The following UBTD1 variants were observed in gnomAD, a reference collection of about 807,000 sequenced individuals.
The protein encoded by UBTD1 is ubiquitin domain-containing protein 1.
A neutral mutation model predicts 21.7 loss-of-function variants in UBTD1; 19 were observed. The ratio of observed to expected loss-of-function variants is 0.87; its 90% CI spans 0.61 to 1.28. The LOEUF is 1.28. Among genes scored for constraint, UBTD1 ranks in the 50% most tolerant of loss-of-function variants. UBTD1 has a pLI of 0.00. For missense variants in UBTD1, 282 were observed against 315.1 expected, an observed-to-expected ratio of 0.89 and a Z score of 0.80; for synonymous variants, 116 against 135.1, an observed-to-expected ratio of 0.86 and a Z score of 0.98.
rs139678803 is a variant in UBTD1, at chr10:97,513,963, T to C, written c.70+14690T>C. Among the ~76,000 whole-genome samples, 1,035 of 151,886 alleles carry C rather than the reference T, an allele frequency of 6.8e-3. 4 individuals carry two copies. Among genetic ancestry groups the C allele is most frequent in the Non-Finnish European group, 0.011 (770 of 67,964 alleles). ...CTGGCCACAAGCACTTCTCCCACCTTGGCTTCCCAAAGTGCTGGGATTACA... is the reference window on the plus strand; with the variant it reads ...CTGGCCACAAGCACTTCTCCCACCTCGGCTTCCCAAAGTGCTGGGATTACA... On this transcript the variant is annotated intron_variant, in intron 1 of 2. Coordinates refer to ENST00000370664, the MANE Select transcript of UBTD1 (RefSeq NM_024954.5).
chr10:97,500,346 A>G (rs1355875273), intron 1 of UBTD1, among the ~76,000 whole-genome samples: 1 of 152,182 alleles, frequency 6.6e-6, no homozygotes, highest in African/African-American at 2.4e-5. Context: ...TGGGTTGCGG[A>G]AACTGGGAAG....
chr10:97,524,173 C>T (rs2040477758), intron 1 of UBTD1, among the ~76,000 whole-genome samples: 1 of 152,174 alleles, frequency 6.6e-6, no homozygotes, highest in African/African-American at 2.4e-5. Flanking sequence ...TGGTTCACTG[C>T]AGCCTCTACC....
intron 1 of UBTD1, among the ~76,000 whole-genome samples, chr10:97,555,762 C>T (rs1436282723): frequency 1.3e-5 from 2 of 152,146 alleles, no homozygotes; most frequent in African/African-American, 4.8e-5. Flanking sequence ...TGAATGACAT[C>T]GGTTTCTAAG....
At chr10:97,522,036 A>G (rs7089060) in intron 1 of UBTD1, among the ~76,000 whole-genome samples, 74,056 of 152,062 alleles carry the variant, frequency 0.49, 18,207 homozygotes, top group South Asian at 0.64. Context: ...TCAAGTTTCT[A>G]TAGATGGGAG....
At chr10:97,544,807 A>T (rs1481859401) in intron 1 of UBTD1, among the ~76,000 whole-genome samples, 3 of 152,132 alleles carry the variant, frequency 2.0e-5, no homozygotes, top group Non-Finnish European at 2.9e-5. Context: ...CCTGGGCAAC[A>T]TAGTGAGACC....
At chr10:97,531,229 T>C (rs1350844348) in intron 1 of UBTD1, among the ~76,000 whole-genome samples, 1 of 149,470 alleles carries the variant, frequency 6.7e-6, no homozygotes, top group Non-Finnish European at 1.5e-5. Context: ...TTTTTTTTTT[T>C]TGAGATGGAG....
chr10:97,559,312 G>T (rs2040680825), intron 1 of UBTD1, among the ~76,000 whole-genome samples: 1 of 152,346 alleles, frequency 6.6e-6, no homozygotes, highest in South Asian at 2.1e-4. Flanking sequence ...GACAATCAGG[G>T]CCTCTGGCCT....
intron 1 of UBTD1, among the ~76,000 whole-genome samples, chr10:97,531,137 T>G (rs972709826): frequency 6.6e-6 from 1 of 151,998 alleles, no homozygotes; most frequent in Non-Finnish European, 1.5e-5. Context: ...TCCGCCCTCC[T>G]TGGCCTCCCA....
chr10:97,532,557 C>T (rs1006863910), intron 1 of UBTD1, among the ~76,000 whole-genome samples: 3 of 152,042 alleles, frequency 2.0e-5, no homozygotes, highest in African/African-American at 4.8e-5. Context: ...TTTGGGAGGC[C>T]GAGGCGGGCG....
intron 1 of UBTD1, among the ~76,000 whole-genome samples, chr10:97,505,095 A>T (rs1589866297): frequency 6.6e-6 from 1 of 152,190 alleles, no homozygotes; most frequent in East Asian, 1.9e-4. Context: ...GGGCAGGGAT[A>T]GGGTGGCCTA....
In UBTD1 at chr10:97,514,560, G is replaced by C. The variant is rs573424300; in HGVS notation, c.70+15287G>C. ...GGACAGCTCCACGTTGTTCAGGCCG[G>C]TTAGCATCGCCCTTCCGCTGATGCA... On this transcript the variant is annotated intron_variant, in intron 1 of 2. Transcript: ENST00000370664. Among the ~76,000 whole-genome samples, 230 of 152,286 alleles carry C rather than the reference G, an allele frequency of 1.5e-3. 1 individual carries two copies. In the Middle Eastern group the frequency reaches 0.054, roughly 36 times the overall value.
rs984471328 is a variant in UBTD1, at chr10:97,566,609, C to A, written c.71-1305C>A. Among the ~76,000 whole-genome samples, 9 of 152,336 alleles carry A rather than the reference C, an allele frequency of 5.9e-5. No individual in the cohort carries two copies. In the East Asian group the frequency reaches 1.5e-3, roughly 26 times the overall value. On this transcript the variant is annotated intron_variant, in intron 1 of 2. Transcript: ENST00000370664. ...CAATAATAATACCTACTGCCTAAGGCTACTGCAAGAATGAAATGGGATCAT... is the reference window on the plus strand; with the variant it reads ...CAATAATAATACCTACTGCCTAAGGATACTGCAAGAATGAAATGGGATCAT...
intron 1 of UBTD1, among the ~76,000 whole-genome samples, chr10:97,545,052 C>T (rs181360391): frequency 7.3e-5 from 11 of 151,692 alleles, no homozygotes; most frequent in Admixed American, 3.3e-4. Context: ...ACCTACTCTC[C>T]GGCCAAGCAT....
intron 1 of UBTD1, among the ~76,000 whole-genome samples, chr10:97,565,629 G>A (rs1244424133): frequency 6.6e-6 from 1 of 152,102 alleles, no homozygotes; most frequent in Non-Finnish European, 1.5e-5. Flanking sequence ...TCCAGACTGG[G>A]CGACAGAGTG....
intron 1 of UBTD1, among the ~76,000 whole-genome samples, chr10:97,555,731 C>G (rs985920856): frequency 2.6e-5 from 4 of 152,164 alleles, no homozygotes; most frequent in African/African-American, 9.7e-5. Flanking sequence ...CAGTGTTCTT[C>G]TATACAATGT....
chr10:97,549,436 C>T (rs879650746), intron 1 of UBTD1, among the ~76,000 whole-genome samples: 2 of 152,252 alleles, frequency 1.3e-5, no homozygotes, highest in South Asian at 2.1e-4. Context: ...CCATTTCACT[C>T]GCCCGTGCAG....
rs552587361 is a variant in UBTD1 at position 97,524,290 on chromosome 10, G to C, written c.70+25017G>C. On this transcript the variant is annotated intron_variant, in intron 1 of 2. Coordinates refer to ENST00000370664, the MANE Select transcript of UBTD1 (RefSeq NM_024954.5). Reference sequence around the variant, plus strand: ...TTGTATGTTTTTGTAGGGATGCGGGGGGGTCTCACTATGTTGCCCAGACTA... The same window carrying C: ...TTGTATGTTTTTGTAGGGATGCGGGCGGGTCTCACTATGTTGCCCAGACTA... Among the ~76,000 whole-genome samples, 4 of 152,082 alleles carry C rather than the reference G, an allele frequency of 2.6e-5. No individual in the cohort carries two copies. The South Asian group carries it at 8.3e-4, about 32-fold the overall frequency.
At chr10:97,561,793 C>G (rs553244345) in intron 1 of UBTD1, among the ~76,000 whole-genome samples, 10 of 152,296 alleles carry the variant, frequency 6.6e-5, no homozygotes, top group Non-Finnish European at 1.2e-4. Context: ...ATGAGAGGGT[C>G]TCTCTCTTCC....
Position 97,568,061 on chromosome 10 carries a change from C to T in UBTD1, c.218C>T (p.Ala73Val). 3.1e-6 allele frequency: 5 copies of T among 1,613,774 alleles called. No homozygotes were observed. The highest frequency in any genetic ancestry group is 4.2e-6 in the Non-Finnish European group (5 of 1,180,042). Reference sequence around the variant, plus strand: ...AAGGAGATCTGGGATGCCCTCAAGGCTGCCGCCTATGCTGCTGAAGCCAAC... The same window carrying T: ...AAGGAGATCTGGGATGCCCTCAAGGTTGCCGCCTATGCTGCTGAAGCCAAC... Reference protein sequence around the residue: ...GRKEIWDALKAAAYAAEANDH... With the variant: ...GRKEIWDALKVAAYAAEANDH... Residue 73 changes from alanine (A) to valine (V), a missense_variant, in exon 2 of 3, where the codon GCT becomes GTT. By Grantham distance (64) the Ala-to-Val change is moderately conservative (BLOSUM62 0). Coordinates refer to ENST00000370664, the MANE Select transcript of UBTD1 (RefSeq NM_024954.5).
Sources: gnomAD v4.1 joint callset for allele counts (sites outside exome capture counted in the v4.1 genomes callset) on GRCh38, gnomAD v4.1.1 for gene constraint, MANE v1.5 for transcripts, NCBI Gene and HGNC (gene_info 2026-07-23, HGNC 2026-07-21) for gene names.